SNX14: variants seen among roughly 807,000 people sequenced by gnomAD.
SNX14 encodes the protein sorting nexin-14.
Under a neutral mutation model 133.8 loss-of-function variants are expected in SNX14, and 93 were observed. That is an observed-to-expected ratio of 0.70 (90% CI 0.59 to 0.83). The LOEUF is 0.83. Ranked by LOEUF, SNX14 falls within the 40% of genes least tolerant of loss-of-function variation. The pLI, the probability that SNX14 is intolerant of heterozygous loss-of-function variation, is 0.00. For missense variants in SNX14, 945 were observed against 1,094.9 expected (o/e 0.86, Z 1.93); for synonymous variants, 368 against 365.6 (o/e 1.01, Z -0.07).
chr6:85,572,357 T>C lies in SNX14; in HGVS notation c.279A>G (p.Glu93=), dbSNP rs750089831. 3 of 1,613,260 alleles carry C rather than the reference T, an allele frequency of 1.9e-6. 1 individual carries two copies. Among genetic ancestry groups the C allele is most frequent in the South Asian group, 2.2e-5 (2 of 90,804 alleles). Reference sequence around the variant, plus strand: ...CACAGCTATGACCTTGAGGAAATAATTCCTGAAGTCCTAACTGCTAAAAAA... The same window carrying C: ...CACAGCTATGACCTTGAGGAAATAACTCCTGAAGTCCTAACTGCTAAAAAA... The part of the protein sequence containing the change: ...KYKPKQLGLQ[E]LFPQGHSCAV... Residue 93 remains glutamate, a synonymous_variant, in exon 3 of 29, where the codon GAA becomes GAG. Transcript: ENST00000314673.
intron 8 of SNX14, among the ~76,000 whole-genome samples, chr6:85,548,853 G>A (rs1050289160): frequency 1.3e-5 from 2 of 151,694 alleles, no homozygotes; most frequent in Non-Finnish European, 2.9e-5. Flanking sequence ...TGTAATCCCA[G>A]CTAATAGGGA....
intron 18 of SNX14, among the ~76,000 whole-genome samples, chr6:85,532,984 T>C (rs1328034522): frequency 6.6e-6 from 1 of 152,160 alleles, no homozygotes; most frequent in African/African-American, 2.4e-5. Context: ...CCTCCCAGGT[T>C]GAAGCGATCT....
At chr6:85,592,892 T>C (rs1583196204) in intron 1 of SNX14, among the ~76,000 whole-genome samples, 1 of 151,510 alleles carries the variant, frequency 6.6e-6, no homozygotes, top group African/African-American at 2.4e-5. Flanking sequence ...CGGGCGCCTG[T>C]AGCCCCAGCT....
intron 15 of SNX14, among the ~76,000 whole-genome samples, chr6:85,539,982 T>C (rs1783147440): frequency 6.6e-6 from 1 of 151,818 alleles, no homozygotes; most frequent in South Asian, 2.1e-4. Context: ...TTTATTTTAA[T>C]TGAGGCGGAG....
intron 21 of SNX14, among the ~76,000 whole-genome samples, chr6:85,519,282 C>T (rs941200737): frequency 2.0e-5 from 3 of 152,158 alleles, no homozygotes; most frequent in Non-Finnish European, 4.4e-5. Context: ...TGTCTACTTG[C>T]ATTATTTAAC....
chr6:85,593,244 T>A (rs1387540395), intron 1 of SNX14, among the ~76,000 whole-genome samples: 1 of 152,240 alleles, frequency 6.6e-6, no homozygotes, highest in Non-Finnish European at 1.5e-5. Flanking sequence ...TCAGCTGACT[T>A]GACTGCCTGT....
chr6:85,567,591 T>C lies in SNX14; in HGVS notation c.418-14A>G. The C allele has an allele frequency of 6.7e-7, 1 of 1,492,808 alleles. No homozygotes were observed. Among genetic ancestry groups the C allele is most frequent in the Non-Finnish European group, 8.9e-7 (1 of 1,120,260 alleles). The allele number at this position is 1,492,808 out of a possible 1,614,324, so 92.5% of individuals were successfully genotyped here. ...TAATTCAAGAACCTGCATAAACAAT[T>C]ATTTTTTAAAGAAAAATAAAATTAA... On this transcript the variant is annotated splice_polypyrimidine_tract_variant and intron_variant, in intron 4 of 28. Transcript: ENST00000314673.
intron 28 of SNX14, among the ~76,000 whole-genome samples, chr6:85,506,367 A>AGTCT (rs1562159276): frequency 6.6e-6 from 1 of 150,646 alleles, no homozygotes; most frequent in East Asian, 1.9e-4. Context: ...CCCAGGCTGG[A>AGTCT]GTCTAATGGC....
At chr6:85,557,654 G>C (rs1402609801) in intron 7 of SNX14, among the ~76,000 whole-genome samples, 2 of 152,136 alleles carry the variant, frequency 1.3e-5, no homozygotes, top group Non-Finnish European at 2.9e-5. Context: ...GCAATATAAA[G>C]GATGGGCTAG....
In SNX14 at chr6:85,576,339, G is replaced by C. The variant is rs1222180477; in HGVS notation, c.141-1961C>G. The stretch of plus-strand genomic sequence containing the variant: ...GGAATAAGAGCTTTTATCTCCCTAA[G>C]ATTCTATCTCCCTCACTCAAGACTG... On this transcript the variant is annotated intron_variant, in intron 1 of 28. Coordinates refer to ENST00000314673, the MANE Select transcript of SNX14 (RefSeq NM_153816.6). Among the ~76,000 whole-genome samples the C allele has an allele frequency of 2.6e-5, 4 of 152,102 alleles. No homozygotes were observed. In the East Asian group the frequency reaches 7.7e-4, roughly 29 times the overall value.
intron 1 of SNX14, among the ~76,000 whole-genome samples, chr6:85,585,292 G>A (rs116839567): frequency 0.016 from 2,416 of 152,072 alleles, 73 homozygotes; most frequent in African/African-American, 0.055. Context: ...TGTAGATGAT[G>A]GATTGAGGGT....
intron 17 of SNX14, 88 bp from the exon 18 acceptor site, chr6:85,533,888 A>G (rs1240852109): frequency 2.1e-6 from 2 of 958,454 alleles, no homozygotes; most frequent in Non-Finnish European, 3.1e-6. Context: ...TAATATGCCC[A>G]TATCAATTGA....
intron 18 of SNX14, among the ~76,000 whole-genome samples, chr6:85,532,515 T>A (rs1780610559): frequency 6.6e-6 from 1 of 152,236 alleles, no homozygotes; most frequent in Non-Finnish European, 1.5e-5. Context: ...TAATTAGCAC[T>A]GATCTTCACA....
intron 26 of SNX14, among the ~76,000 whole-genome samples, chr6:85,511,457 C>T (rs1023682232): frequency 9.9e-5 from 15 of 152,158 alleles, no homozygotes; most frequent in Non-Finnish European, 1.9e-4. Flanking sequence ...ATGTTGAAAG[C>T]AGTAGTGAGA....
intron 1 of SNX14, among the ~76,000 whole-genome samples, chr6:85,585,127 AC>A (rs1244600226): frequency 6.6e-6 from 1 of 152,160 alleles, no homozygotes; most frequent in Non-Finnish European, 1.5e-5. Flanking sequence ...CAGCAAACTA[AC>A]ACAGGAACAG....
At chr6:85,564,684 G>A (rs1361715782) in intron 6 of SNX14, among the ~76,000 whole-genome samples, 2 of 152,008 alleles carry the variant, frequency 1.3e-5, no homozygotes, top group Non-Finnish European at 2.9e-5. Flanking sequence ...ACATGGTATA[G>A]GATAAAGTAA....
intron 1 of SNX14, chr6:85,589,199 T>C (rs1404381572): frequency 5.5e-6 from 1 of 183,044 alleles, no homozygotes; most frequent in Non-Finnish European, 1.2e-5. Context: ...CCATATTGTC[T>C]ACTGTCAATT....
chr6:85,520,873 A>T (rs1048005407), intron 21 of SNX14, among the ~76,000 whole-genome samples: 5 of 152,200 alleles, frequency 3.3e-5, no homozygotes, highest in African/African-American at 1.2e-4. Flanking sequence ...TCAATTGCTG[A>T]TGAACATTTG....
chr6:85,524,152 A>C (rs755329407), intron 21 of SNX14, among the ~76,000 whole-genome samples: 5 of 152,134 alleles, frequency 3.3e-5, no homozygotes, highest in Non-Finnish European at 5.9e-5. Flanking sequence ...ACTGCACTCC[A>C]GCCTGGGCGA....
Sources: allele counts gnomAD v4.1 joint callset (sites outside exome capture counted in the v4.1 genomes callset), GRCh38; gene constraint gnomAD v4.1.1; transcripts MANE v1.5; gene names NCBI Gene and HGNC (gene_info 2026-07-23, HGNC 2026-07-21).